Variants in PDE4C observed in about 807,000 individuals in gnomAD.
The protein encoded by PDE4C is 3',5'-cyclic-AMP phosphodiesterase 4C.
PDE4C carries 50 observed loss-of-function variants against 63.9 expected under a neutral mutation model. The observed-to-expected ratio is 0.78, with a 90% CI of 0.62 to 0.99. The LOEUF is 0.99. PDE4C is among the 50% of genes least tolerant of loss of function. The pLI is 0.00. For missense variants in PDE4C, 777 were observed against 899.1 expected (o/e 0.86, Z 1.74); for synonymous variants, 377 against 385.1 (o/e 0.98, Z 0.25).
rs776680695 is a variant in PDE4C at position 18,220,884 on chromosome 19, G to A, written c.489C>T (p.Leu163=). 13 of 1,608,648 alleles carry A rather than the reference G, an allele frequency of 8.1e-6. No homozygotes were observed. The highest frequency in any genetic ancestry group is 8.5e-7 in the Non-Finnish European group (1 of 1,178,452). ...GAACAGGTACTTTACCTGCAGGAGG[G>A]AGCTGATTGCTGGATGAAGGGTTTC... The change falls in exon 5 of 15, where the codon CTC becomes CTT. Residue 163 remains leucine (L), a synonymous_variant. Transcript: ENST00000262805. The surrounding 1 kb of genome is among the most constrained non-coding windows in gnomAD (Gnocchi z 5.1).
intron 12 of PDE4C, among the ~76,000 whole-genome samples, chr19:18,214,390 T>C (rs1371171550): frequency 2.0e-5 from 3 of 152,074 alleles, no homozygotes; most frequent in Admixed American, 2.0e-4. Context: ...GGATGAGTTC[T>C]GTGCAAAGGG....
At chr19:18,251,074 C>T (rs1252373060), upstream of PDE4C, among the ~76,000 whole-genome samples, 1 of 151,466 alleles carries the variant, frequency 6.6e-6, no homozygotes, top group Non-Finnish European at 1.5e-5. Context: ...CTGAGCCCAG[C>T]CTAATTTTTA....
intron 1 of PDE4C, among the ~76,000 whole-genome samples, chr19:18,246,622 T>A (rs1969139900): frequency 1.3e-5 from 2 of 152,020 alleles, no homozygotes; most frequent in African/African-American, 4.8e-5. Context: ...CCCAGTTTTT[T>A]AACACACAAA....
chr19:18,221,076 G>GCCCC, intron 4 of PDE4C, 29 bp downstream of exon 4: 1 of 724,478 alleles, frequency 1.4e-6, no homozygotes, highest in Non-Finnish European at 2.0e-6. Flanking sequence ...TGCCGGCCCC[G>GCCCC]CCCCCGCCCC....
At chr19:18,208,120 A>G (rs1456075140), downstream of PDE4C, 1 of 152,338 alleles carries the variant, frequency 6.6e-6, no homozygotes, top group African/African-American at 2.4e-5. Flanking sequence ...CTGGAAGGAA[A>G]TGCACCAAGT....
In PDE4C at chr19:18,220,108, G is replaced by C. The variant is rs545821039; in HGVS notation, c.706+118C>G. 4 of 806,080 alleles carry C rather than the reference G, an allele frequency of 5.0e-6. No homozygotes were observed. The Admixed American group carries it at 5.5e-5, about 11-fold the overall frequency. 49.9% of individuals were successfully genotyped at this position (806,080 alleles called of 1,614,324 possible). On this transcript the variant is annotated intron_variant, in intron 7 of 14. Transcript: ENST00000262805. The surrounding 1 kb of genome is among the most constrained non-coding windows in gnomAD (Gnocchi z 5.1). ...TCTGATCCAGCCCTGACTCATGGGGGCTGAAGGTGTCTGTGTCTGGCTGTA... is the reference window on the plus strand; with the variant it reads ...TCTGATCCAGCCCTGACTCATGGGGCCTGAAGGTGTCTGTGTCTGGCTGTA...
At chr19:18,250,805 G>C (rs1335829934), upstream of PDE4C, among the ~76,000 whole-genome samples, 1 of 143,724 alleles carries the variant, frequency 7.0e-6, no homozygotes, top group Non-Finnish European at 1.5e-5. Flanking sequence ...ACAGGGTCTT[G>C]CTCTGTCACA....
upstream of PDE4C, among the ~76,000 whole-genome samples, chr19:18,227,754 C>G (rs1303943140): frequency 6.6e-6 from 1 of 152,212 alleles, no homozygotes; most frequent in Non-Finnish European, 1.5e-5. Flanking sequence ...TGTCTCTCAG[C>G]CTGGGCCTTC....
At chr19:18,242,566 G>A (rs1358648980) in intron 1 of PDE4C, among the ~76,000 whole-genome samples, 7 of 150,102 alleles carry the variant, frequency 4.7e-5, no homozygotes, top group Non-Finnish European at 1.5e-5. Context: ...CAGATTGCCT[G>A]AGTTCAGGAG....
At chr19:18,249,979 G>C (rs1329785462), upstream of PDE4C, 1 of 396,872 alleles carries the variant, frequency 2.5e-6, no homozygotes, top group African/African-American at 2.1e-5. Flanking sequence ...GCACATAGTA[G>C]GTGCTCAGTT....
chr19:18,210,968 T>G, exon 15 of PDE4C: 1 of 1,613,844 alleles, frequency 6.2e-7, no homozygotes, highest in South Asian at 1.1e-5. Flanking sequence ...CCCCAGGGTC[T>G]GGGCCGGCTT....
intron 1 of PDE4C, among the ~76,000 whole-genome samples, chr19:18,247,404 T>A (rs1467206929): frequency 2.0e-5 from 3 of 152,158 alleles, no homozygotes; most frequent in Non-Finnish European, 2.9e-5. Flanking sequence ...CAAGCAATTC[T>A]CCTGCCTCAG....
chr19:18,252,775 G>A (rs888615111), upstream of PDE4C, among the ~76,000 whole-genome samples: 4 of 151,982 alleles, frequency 2.6e-5, no homozygotes, highest in African/African-American at 7.2e-5. Context: ...GCATTACCAC[G>A]CCTGGCTAAT....
chr19:18,211,097 C>T lies in PDE4C; in HGVS notation c.1875G>A (p.Gln625=), dbSNP rs143106966. 1.5e-5 allele frequency: 25 copies of T among 1,614,100 alleles called. No homozygotes were observed. In the African/African-American group the frequency reaches 2.8e-4, roughly 18 times the overall value. The change falls in exon 15 of 15, where the codon CAG becomes CAA. Residue 625 remains glutamine (Q), a synonymous_variant. Coordinates refer to ENST00000262805, the Ensembl canonical transcript of PDE4C. ...CTGCCTCCTCCAGAGTCAGTTCAAA[C>T]TGGAATCTGTCAGGCCCGTCCCGCT...
At chr19:18,223,200 G>A (rs1172410628) in intron 1 of PDE4C, among the ~76,000 whole-genome samples, 2 of 140,358 alleles carry the variant, frequency 1.4e-5, no homozygotes, top group African/African-American at 2.6e-5. Context: ...GCACCACCAC[G>A]CCCGGCTAAT....
intron 1 of PDE4C, among the ~76,000 whole-genome samples, chr19:18,247,356 C>T (rs914136266): frequency 2.0e-5 from 3 of 151,998 alleles, no homozygotes; most frequent in Admixed American, 1.3e-4. Context: ...AGTGCAGTGG[C>T]GTGATCTCAA....
At chr19:18,216,222 GC>G (rs1278915059) in intron 12 of PDE4C, among the ~76,000 whole-genome samples, 3 of 151,064 alleles carry the variant, frequency 2.0e-5, no homozygotes, top group African/African-American at 7.3e-5. Flanking sequence ...GATCTGCTGG[GC>G]CCAGCAGAGG....
chr19:18,244,618 T>TTC, intron 1 of PDE4C, among the ~76,000 whole-genome samples: 1 of 152,070 alleles, frequency 6.6e-6, no homozygotes, highest in Non-Finnish European at 1.5e-5. Context: ...GTTCAAGCGA[T>TTC]CCTTCTGCCT....
intron 1 of PDE4C, among the ~76,000 whole-genome samples, chr19:18,232,660 C>G (rs1435966579): frequency 2.6e-5 from 4 of 151,818 alleles, no homozygotes; most frequent in Non-Finnish European, 1.5e-5. Flanking sequence ...AGGAGCACCC[C>G]AAACACATCT....
Sources: allele counts gnomAD v4.1 joint callset (sites outside exome capture counted in the v4.1 genomes callset), GRCh38; gene constraint gnomAD v4.1.1; non-coding constraint Gnocchi (gnomAD v3.1); transcripts MANE v1.5; gene names NCBI Gene and HGNC (gene_info 2026-07-23, HGNC 2026-07-21).